The following FMNL2 variants were observed in gnomAD, a reference collection of about 807,000 sequenced individuals.
FMNL2 encodes the protein formin-like protein 2.
Under a neutral mutation model 130.2 loss-of-function variants are expected in FMNL2, and 51 were observed. The observed-to-expected ratio is 0.39, with a 90% CI of 0.31 to 0.49. The LOEUF (loss-of-function observed/expected upper bound fraction) is 0.49, where lower values mean the gene tolerates loss of function less well. FMNL2 is among the 20% of genes least tolerant of loss of function. FMNL2 has a pLI of 0.85. For synonymous variants in FMNL2, 465 were observed against 467.1 expected, an observed-to-expected ratio of 1.00 and a Z score of 0.06; for missense variants, 977 against 1,316.2, an observed-to-expected ratio of 0.74 and a Z score of 3.99.
chr2:152,444,249 G>A (rs1688222057), intron 1 of FMNL2, among the ~76,000 whole-genome samples: 1 of 152,134 alleles, frequency 6.6e-6, no homozygotes. Context: ...AAGATTCAGA[G>A]GGAGAGACTG....
intron 1 of FMNL2, among the ~76,000 whole-genome samples, chr2:152,516,080 C>G (rs1692750499): frequency 6.6e-6 from 1 of 152,116 alleles, no homozygotes; most frequent in Admixed American, 6.5e-5. Flanking sequence ...ATTGTGCTAC[C>G]CAGCCATCCA....
chr2:152,466,640 C>G (rs187249623), intron 1 of FMNL2, among the ~76,000 whole-genome samples: 93 of 152,316 alleles, frequency 6.1e-4, no homozygotes, highest in African/African-American at 2.2e-3. Context: ...CCTATTAACA[C>G]TGGACTTCCT....
At chr2:152,473,714 C>A (rs938969802) in intron 1 of FMNL2, among the ~76,000 whole-genome samples, 1 of 152,108 alleles carries the variant, frequency 6.6e-6, no homozygotes, top group East Asian at 1.9e-4. Flanking sequence ...ATATGCAGAC[C>A]CAGTATTGAA....
At chr2:152,607,783 C>A (rs182084018) in intron 10 of FMNL2, 1 of 161,960 alleles carries the variant, frequency 6.2e-6, no homozygotes, top group African/African-American at 2.4e-5. Flanking sequence ...TTTTGCAGGC[C>A]CCTGCCAGTG....
At position 152,431,715 on chromosome 2, in the gene FMNL2, C is replaced by G. The variant is rs911598796; in HGVS notation, c.118-90228C>G. ...AGTGTGAGGCTCATGCCTGTAATCC[C>G]AGCACTTTGGGAGGCTGAGGCAGGA... On this transcript the variant is annotated intron_variant, in intron 1 of 25. Coordinates refer to ENST00000288670, the MANE Select transcript of FMNL2 (RefSeq NM_052905.4). Among the ~76,000 whole-genome samples the G allele has an allele frequency of 3.3e-5, 5 of 152,038 alleles. No individual in the cohort carries two copies. In the East Asian group the frequency reaches 9.6e-4, roughly 29 times the overall value.
intron 1 of FMNL2, among the ~76,000 whole-genome samples, chr2:152,472,922 T>C (rs535615264): frequency 1.5e-3 from 232 of 152,342 alleles, no homozygotes; most frequent in African/African-American, 5.3e-3. Flanking sequence ...TTTAAGGAAC[T>C]CGTGAATACA....
At chr2:152,631,952 A>G in intron 20 of FMNL2, 56 bp from the exon 21 acceptor site, 1 of 1,552,508 alleles carries the variant, frequency 6.4e-7, no homozygotes, top group Non-Finnish European at 8.7e-7. Context: ...CCTGAGGGGT[A>G]AGTGTCTTGT....
chr2:152,599,507 A>G (rs1403136085), intron 9 of FMNL2, among the ~76,000 whole-genome samples: 1 of 129,556 alleles, frequency 7.7e-6, no homozygotes, highest in Non-Finnish European at 1.6e-5. Context: ...TGGGGATTTT[A>G]CGATCCTTTT....
intron 2 of FMNL2, among the ~76,000 whole-genome samples, chr2:152,538,413 G>A (rs1694121020): frequency 6.6e-6 from 1 of 152,098 alleles, no homozygotes; most frequent in African/African-American, 2.4e-5. Flanking sequence ...CCAAGTAGCT[G>A]GGATTACAGG....
chr2:152,531,973 G>A (rs17327752), intron 2 of FMNL2, among the ~76,000 whole-genome samples: 32,360 of 152,110 alleles, frequency 0.21, 3,822 homozygotes, highest in Middle Eastern at 0.3. Flanking sequence ...TGAAATGACA[G>A]TGAAGTCGTA....
At chr2:152,484,098 C>T (rs554588517) in intron 1 of FMNL2, among the ~76,000 whole-genome samples, 10 of 152,274 alleles carry the variant, frequency 6.6e-5, no homozygotes, top group Admixed American at 1.3e-4. Context: ...TAGTTTCCAA[C>T]GGTAATGGCC....
intron 6 of FMNL2, among the ~76,000 whole-genome samples, chr2:152,569,968 ATCATTG>A (rs1329828253): frequency 6.6e-6 from 1 of 151,676 alleles, no homozygotes; most frequent in Non-Finnish European, 1.5e-5. Flanking sequence ...CCAAGAGTGC[ATCATTG>A]CACTCCAGCC....
intron 1 of FMNL2, among the ~76,000 whole-genome samples, chr2:152,341,719 A>G (rs1681820117): frequency 6.6e-6 from 1 of 152,234 alleles, no homozygotes; most frequent in Admixed American, 6.5e-5. Context: ...TCATTAGTTG[A>G]CATTGGCTTT....
intron 1 of FMNL2, among the ~76,000 whole-genome samples, chr2:152,385,190 G>C (rs1014148864): frequency 1.3e-5 from 2 of 152,154 alleles, no homozygotes; most frequent in Non-Finnish European, 2.9e-5. Context: ...AACTCTTTTT[G>C]GTGCTAAAAG....
intron 14 of FMNL2, 72 bp from the exon 15 acceptor site, chr2:152,619,437 A>G: frequency 6.5e-7 from 1 of 1,543,470 alleles, no homozygotes; most frequent in Middle Eastern, 2.3e-4. Context: ...ATGGCTTTAT[A>G]TGCACATGGC....
At chr2:152,366,344 C>T (rs1182335491) in intron 1 of FMNL2, among the ~76,000 whole-genome samples, 6 of 151,176 alleles carry the variant, frequency 4.0e-5, no homozygotes, top group African/African-American at 7.3e-5. Flanking sequence ...TGCTAAATGA[C>T]GAGTTAATGG....
intron 1 of FMNL2, among the ~76,000 whole-genome samples, chr2:152,384,679 G>T (rs746470809): frequency 6.6e-6 from 1 of 152,132 alleles, no homozygotes; most frequent in African/African-American, 2.4e-5. Context: ...CCTTGAGTGC[G>T]CCTTCATCCT....
At chr2:152,384,660 G>T (rs1438593081) in intron 1 of FMNL2, among the ~76,000 whole-genome samples, 1 of 152,186 alleles carries the variant, frequency 6.6e-6, no homozygotes, top group African/African-American at 2.4e-5. Flanking sequence ...GAGGCAGCCT[G>T]CCTGGGTCCC....
intron 10 of FMNL2, among the ~76,000 whole-genome samples, 191 bp from the exon 11 acceptor site, chr2:152,611,304 A>C (rs140710129): frequency 0.074 from 11,207 of 152,230 alleles, 492 homozygotes; most frequent in Middle Eastern, 0.16. Flanking sequence ...ATGCCACTGC[A>C]CTCCAGTCTG....
Sources: allele counts gnomAD v4.1 joint callset (sites outside exome capture counted in the v4.1 genomes callset), GRCh38; gene constraint gnomAD v4.1.1; transcripts MANE v1.5; gene names NCBI Gene and HGNC (gene_info 2026-07-23, HGNC 2026-07-21).